The following HMCN1 variants were observed in gnomAD, a reference collection of about 807,000 sequenced individuals.
HMCN1 encodes hemicentin 1.
A neutral mutation model predicts 625.9 loss-of-function variants in HMCN1; 321 were observed. That is an observed-to-expected ratio of 0.51 (90% CI 0.47 to 0.56). The LOEUF is 0.56. HMCN1 is among the 20% of genes least tolerant of loss of function. HMCN1 has a pLI of 0.00. For synonymous variants in HMCN1, 2,425 were observed against 2,417.6 expected (o/e 1.00, Z -0.09); for missense variants, 6,588 against 6,887.3 (o/e 0.96, Z 1.54).
chr1:186,107,154 C>T (rs1431319317), intron 70 of HMCN1, among the ~76,000 whole-genome samples, 189 bp downstream of exon 70: 9 of 152,018 alleles, frequency 5.9e-5, no homozygotes, highest in South Asian at 2.1e-4. Context: ...GGCACTATCT[C>T]GGCTCACTGC....
At chr1:185,841,287 T>C (rs1369751293) in intron 1 of HMCN1, among the ~76,000 whole-genome samples, 1 of 152,210 alleles carries the variant, frequency 6.6e-6, no homozygotes, top group Non-Finnish European at 1.5e-5. Context: ...ACAAAAAAAT[T>C]GTTTATTTTT....
rs1661061609 is a variant in HMCN1, at chr1:186,114,951, A to G, written c.11404+5A>G. Reference sequence around the variant, plus strand: ...GAATAGATTTACAGGTCCATGGTAAATATCCGTTTATAGACAACATCCGGT... The same window carrying G: ...GAATAGATTTACAGGTCCATGGTAAGTATCCGTTTATAGACAACATCCGGT... On this transcript the variant is annotated splice_donor_5th_base_variant and intron_variant, in intron 74 of 106. Coordinates refer to ENST00000271588, the MANE Select transcript of HMCN1 (RefSeq NM_031935.3). The G allele has an allele frequency of 6.2e-7, 1 of 1,614,184 alleles. No individual in the cohort carries two copies. The highest frequency in any genetic ancestry group is 2.2e-5 in the East Asian group (1 of 44,878).
chr1:186,134,294 T>C (rs1558249048), intron 86 of HMCN1, among the ~76,000 whole-genome samples: 1 of 152,180 alleles, frequency 6.6e-6, no homozygotes, highest in Non-Finnish European at 1.5e-5. Context: ...TCAAGGATGG[T>C]ATCTAAATTA....
chr1:186,063,866 A>G (rs1476435415), intron 48 of HMCN1, among the ~76,000 whole-genome samples: 1 of 152,178 alleles, frequency 6.6e-6, no homozygotes, highest in African/African-American at 2.4e-5. Context: ...ATCAAAATAA[A>G]CACATCTCTA....
At chr1:185,798,635 G>T (rs1428646415) in intron 1 of HMCN1, among the ~76,000 whole-genome samples, 1 of 151,888 alleles carries the variant, frequency 6.6e-6, no homozygotes, top group Non-Finnish European at 1.5e-5. Context: ...CAGACTCTGA[G>T]ATTCTTTCTT....
intron 26 of HMCN1, among the ~76,000 whole-genome samples, chr1:186,000,918 T>G (rs1571693881): frequency 1.3e-5 from 2 of 152,144 alleles, no homozygotes; most frequent in East Asian, 3.9e-4. Context: ...TATTTTAAAA[T>G]TTGATGAATA....
chr1:185,829,894 C>A (rs748608672), intron 1 of HMCN1, among the ~76,000 whole-genome samples: 1 of 152,192 alleles, frequency 6.6e-6, no homozygotes, highest in South Asian at 2.1e-4. Context: ...TTCTCCACAG[C>A]CTTGCCAGAA....
At chr1:186,090,456 C>T (rs1659780061) in intron 63 of HMCN1, among the ~76,000 whole-genome samples, 1 of 151,946 alleles carries the variant, frequency 6.6e-6, no homozygotes. Flanking sequence ...TTTAACTGTA[C>T]TATCCATTGA....
At chr1:185,886,109 ATCTC>A (rs1271377137) in intron 4 of HMCN1, among the ~76,000 whole-genome samples, 1 of 151,988 alleles carries the variant, frequency 6.6e-6, no homozygotes, top group Non-Finnish European at 1.5e-5. Flanking sequence ...ATTTTGTACC[ATCTC>A]TCTCTCTTTT....
Position 185,966,066 on chromosome 1 carries a change from C to T in HMCN1, c.2212+151C>T, listed in dbSNP as rs1159897649. On this transcript the variant is annotated intron_variant, in intron 14 of 106. Coordinates refer to ENST00000271588, the MANE Select transcript of HMCN1 (RefSeq NM_031935.3). Reference sequence around the variant, plus strand: ...ACTGGAGACAATAGTTCAAAATTCTCAACTCTGAATTTCAGGATTTGACAT... The same window carrying T: ...ACTGGAGACAATAGTTCAAAATTCTTAACTCTGAATTTCAGGATTTGACAT... 1.3e-5 allele frequency: 9 copies of T among 666,990 alleles called. No homozygotes were observed. The East Asian group carries it at 1.9e-4, about 14-fold the overall frequency. The allele number at this position is 666,990 out of a possible 1,614,324, so 41.3% of individuals were successfully genotyped here.
intron 42 of HMCN1, among the ~76,000 whole-genome samples, chr1:186,050,406 T>C (rs910885626): frequency 6.6e-6 from 1 of 151,804 alleles, no homozygotes; most frequent in African/African-American, 2.4e-5. Flanking sequence ...ATAGGATGGC[T>C]CTCAGGTGTA....
chr1:185,812,931 A>G (rs939825943), intron 1 of HMCN1, among the ~76,000 whole-genome samples: 15 of 152,294 alleles, frequency 9.8e-5, no homozygotes, highest in Admixed American at 7.2e-4. Flanking sequence ...TTTTACAAAG[A>G]TAACTATTAT....
intron 30 of HMCN1, among the ~76,000 whole-genome samples, chr1:186,012,175 GA>G (rs370917932): frequency 1.2e-3 from 176 of 150,802 alleles, no homozygotes; most frequent in African/African-American, 3.8e-3. Flanking sequence ...AAAAAACATA[GA>G]TTTTTTTTAA....
At chr1:185,998,550 C>T (rs972671832) in intron 25 of HMCN1, among the ~76,000 whole-genome samples, 21 of 152,096 alleles carry the variant, frequency 1.4e-4, no homozygotes, top group African/African-American at 4.6e-4. Flanking sequence ...AGGGAAGTAC[C>T]ATGAGTGTTC....
Position 186,055,612 on chromosome 1 carries a change from A to G in HMCN1, c.7082A>G (p.Tyr2361Cys). 1 of 1,612,700 alleles carries G rather than the reference A, an allele frequency of 6.2e-7. No homozygotes were observed. Among genetic ancestry groups the G allele is most frequent in the Non-Finnish European group, 8.5e-7 (1 of 1,179,116 alleles). Residue 2361 changes from tyrosine to cysteine, a missense_variant, in exon 45 of 107, where the codon TAT becomes TGT. Coordinates refer to ENST00000271588, the MANE Select transcript of HMCN1 (RefSeq NM_031935.3). ...KNIHVSDTGRYVCVAVNVAGM... is the reference protein window; with the variant it reads ...KNIHVSDTGRCVCVAVNVAGM... ...ATTCATGTATCTGACACAGGCCGTT[A>G]TGTGTGTGTTGCTGTGAATGTAGCA...
At position 185,933,727 on chromosome 1, in the gene HMCN1, G is replaced by A; in HGVS notation, c.1731G>A (p.Glu577=). Residue 577 remains glutamate, a synonymous_variant, in exon 11 of 107, where the codon GAG becomes GAA. Transcript: ENST00000271588. ...GGACCTTGGCTAATCTGTCATTGGA[G>A]CTAAAGAGTGTGAAATTCAACGATG... ...RIRTLANLSL[E]LKSVKFNDAG... 6.2e-7 allele frequency: 1 copy of A among 1,613,928 alleles called. No homozygotes were observed. Among genetic ancestry groups the A allele is most frequent in the South Asian group, 1.1e-5 (1 of 91,082 alleles).
Position 186,055,392 on chromosome 1 carries a change from G to T in HMCN1, c.6863-1G>T. The T allele has an allele frequency of 6.2e-7, 1 of 1,612,240 alleles. No homozygotes were observed. The highest frequency in any genetic ancestry group is 8.5e-7 in the Non-Finnish European group (1 of 1,178,842). ...TCTTTTTATCTTCCTCCAACCCTCAGTTAGACCAACCATAACCAACAGTGG... is the reference window on the plus strand; with the variant it reads ...TCTTTTTATCTTCCTCCAACCCTCATTTAGACCAACCATAACCAACAGTGG... On this transcript the variant is annotated splice_acceptor_variant, in intron 44 of 106. Transcript: ENST00000271588. LOFTEE classifies it high-confidence loss of function.
At chr1:185,805,675 T>C (rs901724443) in intron 1 of HMCN1, among the ~76,000 whole-genome samples, 1 of 152,190 alleles carries the variant, frequency 6.6e-6, no homozygotes, top group Non-Finnish European at 1.5e-5. Context: ...AGGATTTTGC[T>C]GTAGTGTATG....
intron 41 of HMCN1, among the ~76,000 whole-genome samples, chr1:186,046,146 A>G (rs1197108320): frequency 6.6e-6 from 1 of 152,094 alleles, no homozygotes; most frequent in Non-Finnish European, 1.5e-5. Context: ...CTTCCAGCCA[A>G]TCACCAAGTG....
Sources: allele counts gnomAD v4.1 joint callset (sites outside exome capture counted in the v4.1 genomes callset), GRCh38; gene constraint gnomAD v4.1.1; transcripts MANE v1.5; gene names NCBI Gene and HGNC (gene_info 2026-07-23, HGNC 2026-07-21).